SCAI: variants seen among roughly 807,000 people sequenced by gnomAD.
SCAI encodes suppressor of cancer cell invasion.
A neutral mutation model predicts 92.2 loss-of-function variants in SCAI; 24 were observed. That is an observed-to-expected ratio of 0.26 (90% CI 0.19 to 0.37). The LOEUF (loss-of-function observed/expected upper bound fraction) is 0.37. Ranked by LOEUF, SCAI falls within the 10% of genes least tolerant of loss-of-function variation. The pLI is 1.00. For synonymous variants in SCAI, 261 were observed against 258.6 expected (o/e 1.01, Z -0.09); for missense variants, 450 against 736.2 (o/e 0.61, Z 4.50).
At chr9:125,105,298 A>C (rs1438645377) in intron 2 of SCAI, among the ~76,000 whole-genome samples, 1 of 152,222 alleles carries the variant, frequency 6.6e-6, no homozygotes, top group East Asian at 1.9e-4. Context: ...CCTGTCTCTA[A>C]AATAAATAAA....
At chr9:125,005,532 T>C (rs1832487145) in intron 9 of SCAI, among the ~76,000 whole-genome samples, 12 of 152,038 alleles carry the variant, frequency 7.9e-5, no homozygotes, top group Admixed American at 7.2e-4. Context: ...GGTTTCACCA[T>C]GTTGGTCAGG....
intron 14 of SCAI, among the ~76,000 whole-genome samples, chr9:124,987,334 T>A (rs970567055): frequency 2.2e-4 from 28 of 127,404 alleles, no homozygotes; most frequent in Non-Finnish European, 4.2e-4. Flanking sequence ...CTTTTTTTTA[T>A]TATTATTATT....
chr9:125,075,899 C>T (rs1186782155), intron 2 of SCAI, among the ~76,000 whole-genome samples: 4 of 151,428 alleles, frequency 2.6e-5, no homozygotes, highest in Admixed American at 6.6e-5. Flanking sequence ...GGTTTCACCA[C>T]GTTGGCCAGG....
At chr9:125,087,768 G>C (rs1191220981) in intron 2 of SCAI, among the ~76,000 whole-genome samples, 1 of 152,094 alleles carries the variant, frequency 6.6e-6, no homozygotes, top group African/African-American at 2.4e-5. Flanking sequence ...TAATGAATCA[G>C]GGAAACTGGT....
chr9:124,958,724 T>C (rs959771313), intron 17 of SCAI, among the ~76,000 whole-genome samples: 1 of 151,794 alleles, frequency 6.6e-6, no homozygotes, highest in African/African-American at 2.4e-5. Flanking sequence ...CTGGCCAACA[T>C]AGTGAAAACC....
At chr9:124,960,143 T>C (rs1024361170) in intron 17 of SCAI, among the ~76,000 whole-genome samples, 1 of 152,178 alleles carries the variant, frequency 6.6e-6, no homozygotes, top group African/African-American at 2.4e-5. Flanking sequence ...ATACCAATAC[T>C]ATGACCAAAA....
chr9:125,122,683 T>C lies in SCAI; in HGVS notation c.98+19950A>G, dbSNP rs570660209. Reference sequence around the variant, plus strand: ...ACTTTGGGAGGCCGAGGCGGGTGGATTGCTTGAGCCCAGGAGTTCGAGACC... The same window carrying C: ...ACTTTGGGAGGCCGAGGCGGGTGGACTGCTTGAGCCCAGGAGTTCGAGACC... On this transcript the variant is annotated intron_variant, in intron 2 of 17. Transcript: ENST00000336505. 5.5e-3 allele frequency among the ~76,000 whole-genome samples: 833 copies of C among 150,590 alleles called. 3 individuals are homozygous for C. The highest frequency in any genetic ancestry group is 9.3e-3 in the Non-Finnish European group (628 of 67,798).
chr9:125,063,206 C>T (rs1564398259), intron 2 of SCAI, among the ~76,000 whole-genome samples: 2 of 150,806 alleles, frequency 1.3e-5, no homozygotes, highest in Admixed American at 6.6e-5. Context: ...ATTGGGTGTT[C>T]GAGACCAGCC....
At position 125,024,088 on chromosome 9, in the gene SCAI, G is replaced by A. The variant is rs62584362; in HGVS notation, c.512+2724C>T. Among the ~76,000 whole-genome samples, 10 of 152,020 alleles carry A rather than the reference G, an allele frequency of 6.6e-5. No homozygotes were observed. The South Asian group carries it at 8.3e-4, about 13-fold the overall frequency. ...TTATGTTGACATCAACATAACTGGAGTTTATTTTCCTTTCCTGCCTTCTAT... is the reference window on the plus strand; with the variant it reads ...TTATGTTGACATCAACATAACTGGAATTTATTTTCCTTTCCTGCCTTCTAT... On this transcript the variant is annotated intron_variant, in intron 6 of 17. Transcript: ENST00000336505.
At chr9:125,051,424 T>G (rs1355212620) in intron 3 of SCAI, among the ~76,000 whole-genome samples, 1 of 152,196 alleles carries the variant, frequency 6.6e-6, no homozygotes, top group African/African-American at 2.4e-5. Context: ...AGATCAAAAT[T>G]TATCATTATT....
At position 125,012,196 on chromosome 9, in the gene SCAI, G is replaced by A. The variant is rs568453274; in HGVS notation, c.861+6603C>T. ...ACACATAACAATATTAACTTTAAAT[G>A]TAAATGGACTAAATGCTCCAATTAA... is the stretch of plus-strand genomic sequence containing the variant. On this transcript the variant is annotated intron_variant, in intron 9 of 17. Coordinates refer to ENST00000336505, the MANE Select transcript of SCAI (RefSeq NM_001144877.3). Among the ~76,000 whole-genome samples, 245 of 152,278 alleles carry A rather than the reference G, an allele frequency of 1.6e-3. 1 individual carries two copies. The highest frequency in any genetic ancestry group is 5.7e-3 in the African/African-American group (236 of 41,544).
intron 17 of SCAI, among the ~76,000 whole-genome samples, chr9:124,963,973 A>ACAGG (rs1564359376): frequency 6.8e-6 from 1 of 147,116 alleles, no homozygotes; most frequent in East Asian, 1.9e-4. Flanking sequence ...GGCAGGAGAG[A>ACAGG]CAGGCAACTG....
At chr9:125,007,922 C>T (rs1226177863) in intron 9 of SCAI, among the ~76,000 whole-genome samples, 3 of 150,622 alleles carry the variant, frequency 2.0e-5, no homozygotes, top group African/African-American at 4.9e-5. Context: ...CTCTGCTCAC[C>T]GTAAGCTCCA....
chr9:125,002,860 A>C (rs1783075516), intron 11 of SCAI, among the ~76,000 whole-genome samples: 1 of 151,964 alleles, frequency 6.6e-6, no homozygotes, highest in African/African-American at 2.4e-5. Flanking sequence ...TCATTAATTA[A>C]TGATGGGAAT....
rs528353443 is a variant in SCAI, at chr9:124,963,140, AT to A, written c.1674+8229del. Reference sequence around the variant, plus strand: ...ACAATACAGTTAGCTAGAGAAAAGAATTTTTTCCCCCCCGAGACGGAGTTTT... The same window carrying A: ...ACAATACAGTTAGCTAGAGAAAAGAATTTTTCCCCCCCGAGACGGAGTTTT... On this transcript the variant is annotated intron_variant, in intron 17 of 17. Transcript: ENST00000336505. 3.2e-4 allele frequency among the ~76,000 whole-genome samples: 45 copies of A among 140,584 alleles called. 2 individuals are homozygous for A. The South Asian group carries it at 4.7e-3, about 15-fold the overall frequency. 92.2% of individuals were successfully genotyped at this position (140,584 alleles called of 152,430 possible). A position where few individuals can be genotyped will look rare whatever the true frequency, so the allele number is the denominator to read the frequency against.
intron 9 of SCAI, among the ~76,000 whole-genome samples, chr9:125,018,370 C>G (rs1832804640): frequency 6.6e-6 from 1 of 151,966 alleles, no homozygotes; most frequent in South Asian, 2.1e-4. Flanking sequence ...TGCTGAGATT[C>G]CAGGTGTGAG....
chr9:125,001,342 A>G (rs1301819052), intron 12 of SCAI, among the ~76,000 whole-genome samples: 3 of 152,242 alleles, frequency 2.0e-5, no homozygotes, highest in Non-Finnish European at 4.4e-5. Context: ...ATATTTAATT[A>G]TCTTATTTAC....
At chr9:125,082,302 T>C (rs1834237799) in intron 2 of SCAI, among the ~76,000 whole-genome samples, 1 of 152,222 alleles carries the variant, frequency 6.6e-6, no homozygotes, top group Admixed American at 6.5e-5. Flanking sequence ...AGTCAAGACC[T>C]GAAGTTTGGG....
At chr9:125,052,377 C>T (rs1355952770) in intron 3 of SCAI, among the ~76,000 whole-genome samples, 2 of 152,098 alleles carry the variant, frequency 1.3e-5, no homozygotes, top group African/African-American at 4.8e-5. Flanking sequence ...TCTAGACCAG[C>T]CTGGCCAACA....
Sources: allele counts gnomAD v4.1 joint callset (sites outside exome capture counted in the v4.1 genomes callset), GRCh38; gene constraint gnomAD v4.1.1; transcripts MANE v1.5; gene names NCBI Gene and HGNC (gene_info 2026-07-23, HGNC 2026-07-21).